The following CCBE1 variants were observed in gnomAD, a reference collection of about 807,000 sequenced individuals.
The protein encoded by CCBE1 is collagen and calcium binding EGF domains 1.
Under a neutral mutation model 50.0 loss-of-function variants are expected in CCBE1, and 37 were observed. That is an observed-to-expected ratio of 0.74 (90% CI 0.57 to 0.97). The LOEUF is 0.97. CCBE1 is among the 50% of genes least tolerant of loss of function. CCBE1 has a pLI of 0.00. For missense variants in CCBE1, 538 were observed against 523.8 expected (o/e 1.03, Z -0.26); for synonymous variants, 234 against 203.7 (o/e 1.15, Z -1.27).
At chr18:59,485,375 C>A (rs1307976860) in intron 2 of CCBE1, among the ~76,000 whole-genome samples, 2 of 152,090 alleles carry the variant, frequency 1.3e-5, no homozygotes, top group African/African-American at 4.8e-5. Context: ...GAGACTGCAT[C>A]ATCAGACTGT....
At chr18:59,675,453 G>A (rs1035568551) in intron 2 of CCBE1, among the ~76,000 whole-genome samples, 3 of 152,046 alleles carry the variant, frequency 2.0e-5, no homozygotes, top group Non-Finnish European at 2.9e-5. Flanking sequence ...CCCCACACAT[G>A]GGACTACTGA....
intron 2 of CCBE1, among the ~76,000 whole-genome samples, chr18:59,600,905 A>G (rs1473682635): frequency 6.8e-6 from 1 of 147,916 alleles, no homozygotes; most frequent in Non-Finnish European, 1.5e-5. Context: ...ATACATAATG[A>G]TTTTTCCTTA....
At chr18:59,503,391 G>C (rs182157532) in intron 2 of CCBE1, among the ~76,000 whole-genome samples, 1 of 152,344 alleles carries the variant, frequency 6.6e-6, no homozygotes, top group East Asian at 1.9e-4. Flanking sequence ...AGGAAACTGA[G>C]GTTTAGAGAG....
chr18:59,549,102 C>CAA (rs10661714), intron 2 of CCBE1, among the ~76,000 whole-genome samples: 3,241 of 115,742 alleles, frequency 0.028, 93 homozygotes, highest in Middle Eastern at 0.05. Context: ...GACTCCGTCT[C>CAA]AAAAAAAAAA....
intron 2 of CCBE1, among the ~76,000 whole-genome samples, chr18:59,573,241 T>C (rs940675694): frequency 6.9e-6 from 1 of 144,246 alleles, no homozygotes; most frequent in African/African-American, 2.5e-5. Context: ...GCCGGGATTG[T>C]GCCAGTGCAC....
chr18:59,598,548 C>T (rs2053387480), intron 2 of CCBE1, among the ~76,000 whole-genome samples: 1 of 152,210 alleles, frequency 6.6e-6, no homozygotes, highest in Non-Finnish European at 1.5e-5. Flanking sequence ...GGAGGCACAG[C>T]AGGTGCAGGC....
chr18:59,434,027 T>C lies in CCBE1; in HGVS notation c.*1881A>G, dbSNP rs1203264218. On this transcript the variant is annotated 3_prime_UTR_variant, in exon 11 of 11. Coordinates refer to ENST00000439986, the MANE Select transcript of CCBE1 (RefSeq NM_133459.4). ...GCCTCAGCCTCCTGAGTAGCTGGGA[T>C]TACAGGTGTGTGCCAACACGCCCAG... 2 of 151,088 alleles carry C rather than the reference T, an allele frequency of 1.3e-5. No individual in the cohort carries two copies. The highest frequency in any genetic ancestry group is 4.9e-5 in the African/African-American group (2 of 40,978). 9.4% of individuals were successfully genotyped at this position (151,088 alleles called of 1,614,324 possible).
At chr18:59,457,795 T>C (rs1291206803) in intron 5 of CCBE1, among the ~76,000 whole-genome samples, 4 of 152,242 alleles carry the variant, frequency 2.6e-5, no homozygotes. Flanking sequence ...TTTTTACCCC[T>C]GTTCAATGTA....
intron 2 of CCBE1, among the ~76,000 whole-genome samples, chr18:59,565,755 ATT>A (rs35917762): frequency 4.1e-5 from 6 of 147,568 alleles, no homozygotes; most frequent in African/African-American, 1.2e-4. Flanking sequence ...TTGTCACTAG[ATT>A]TTTTTTTTTT....
chr18:59,498,718 G>C (rs909968402), intron 2 of CCBE1, among the ~76,000 whole-genome samples: 1 of 152,168 alleles, frequency 6.6e-6, no homozygotes. Flanking sequence ...GTTGCTTTCT[G>C]TCTGGCTGGC....
rs576663459 is a variant in CCBE1 at position 59,651,990 on chromosome 18, T to C, written c.212+44639A>G. 1.5e-4 allele frequency among the ~76,000 whole-genome samples: 23 copies of C among 152,368 alleles called. No homozygotes were observed. The South Asian group carries it at 4.8e-3, about 32-fold the overall frequency. ...TTTATTCCTTCTATCTTACTGTATG[T>C]TTTTAATCTTTAACCCATTTCTTTT... On this transcript the variant is annotated intron_variant, in intron 2 of 10. Coordinates refer to ENST00000439986, the MANE Select transcript of CCBE1 (RefSeq NM_133459.4).
chr18:59,537,985 A>T (rs922540422), intron 2 of CCBE1, among the ~76,000 whole-genome samples: 1 of 152,346 alleles, frequency 6.6e-6, no homozygotes, highest in Non-Finnish European at 1.5e-5. Flanking sequence ...TACATAGCAC[A>T]TAGTAAATGA....
chr18:59,502,991 A>G (rs914038273), intron 2 of CCBE1, among the ~76,000 whole-genome samples: 1 of 152,356 alleles, frequency 6.6e-6, no homozygotes, highest in Middle Eastern at 3.4e-3. Context: ...GCCAGAGGAA[A>G]GGCTGTCTCC....
rs1911772077 is a variant in CCBE1, at chr18:59,466,817, A to C, written c.475T>G (p.Cys159Gly). 1 of 1,613,822 alleles carries C rather than the reference A, an allele frequency of 6.2e-7. No individual in the cohort carries two copies. Among genetic ancestry groups the C allele is most frequent in the Non-Finnish European group, 8.5e-7 (1 of 1,179,940 alleles). Reference sequence around the variant, plus strand: ...CGGATGTAGCCTTCCCGGCACTCGCAGCGGTAGCTGCCCAAGGTATTGATG... The same window carrying C: ...CGGATGTAGCCTTCCCGGCACTCGCCGCGGTAGCTGCCCAAGGTATTGATG... Reference protein sequence around the residue: ...ICINTLGSYRCECREGYIRED... With the variant: ...ICINTLGSYRGECREGYIRED... The change falls in exon 5 of 11, where the codon TGC (cysteine) becomes GGC (glycine). Residue 159 changes from cysteine to glycine, a missense_variant. Coordinates refer to ENST00000439986, the MANE Select transcript of CCBE1 (RefSeq NM_133459.4).
chr18:59,480,102 A>G, intron 3 of CCBE1, 84 bp downstream of exon 3: 1 of 920,558 alleles, frequency 1.1e-6, no homozygotes, highest in Non-Finnish European at 1.8e-6. Flanking sequence ...GATAAGACCT[A>G]TATTCCATGA....
At chr18:59,507,921 T>A (rs1913952812) in intron 2 of CCBE1, among the ~76,000 whole-genome samples, 1 of 150,316 alleles carries the variant, frequency 6.7e-6, no homozygotes, top group African/African-American at 2.4e-5. Flanking sequence ...AGATGGCATC[T>A]CCCTCTGTCA....
At chr18:59,629,004 C>CAT (rs2053820769) in intron 2 of CCBE1, among the ~76,000 whole-genome samples, 1 of 152,150 alleles carries the variant, frequency 6.6e-6, no homozygotes, top group African/African-American at 2.4e-5. Flanking sequence ...TAAGGGATCC[C>CAT]ATTTATACCC....
chr18:59,583,370 C>T (rs1483316578), intron 2 of CCBE1, among the ~76,000 whole-genome samples: 1 of 152,188 alleles, frequency 6.6e-6, no homozygotes, highest in East Asian at 1.9e-4. Context: ...GGCACTTCCC[C>T]AGCTGTCCAT....
At chr18:59,469,741 G>T in intron 3 of CCBE1, 134 bp from the exon 4 acceptor site, 1 of 1,179,376 alleles carries the variant, frequency 8.5e-7, no homozygotes, top group Non-Finnish European at 1.2e-6. Context: ...TACTTGGAGG[G>T]ACAGGAACTC....
Sources: allele counts gnomAD v4.1 joint callset (sites outside exome capture counted in the v4.1 genomes callset), GRCh38; gene constraint gnomAD v4.1.1; transcripts MANE v1.5; gene names NCBI Gene and HGNC (gene_info 2026-07-23, HGNC 2026-07-21).